The following UNC13C variants were observed in gnomAD, a reference collection of about 807,000 sequenced individuals.
UNC13C encodes the protein protein unc-13 homolog C.
Under a neutral mutation model 245.4 loss-of-function variants are expected in UNC13C, and 174 were observed. That is an observed-to-expected ratio of 0.71 (90% CI 0.63 to 0.80). The LOEUF is 0.80. Ranked by LOEUF, UNC13C falls within the 30% of genes least tolerant of loss-of-function variation. The pLI, the probability that UNC13C is intolerant of heterozygous loss-of-function variation, is 0.00. For synonymous variants in UNC13C, 992 were observed against 895.1 expected, an observed-to-expected ratio of 1.11 and a Z score of -1.93; for missense variants, 2,829 against 2,602.9, an observed-to-expected ratio of 1.09 and a Z score of -1.89.
intron 2 of UNC13C, among the ~76,000 whole-genome samples, chr15:54,110,228 C>G (rs570486394): frequency 6.6e-6 from 1 of 151,696 alleles, no homozygotes; most frequent in East Asian, 1.9e-4. Context: ...TGCAGTGAGC[C>G]AAGATTGTGC....
chr15:53,851,989 T>C, the UNC13C span, among the ~76,000 whole-genome samples: 2 of 152,220 alleles, frequency 1.3e-5, no homozygotes, highest in Non-Finnish European at 2.9e-5. Flanking sequence ...CTGAGTTCTG[T>C]GAGCCACTGT....
intron 18 of UNC13C, among the ~76,000 whole-genome samples, chr15:54,409,370 C>T (rs1459481169): frequency 2.0e-5 from 3 of 150,950 alleles, no homozygotes; most frequent in African/African-American, 7.3e-5. Context: ...TTTTGTTTTG[C>T]TTTTTCTTTC....
At chr15:54,493,921 A>T (rs1337143282) in intron 19 of UNC13C, among the ~76,000 whole-genome samples, 1 of 152,118 alleles carries the variant, frequency 6.6e-6, no homozygotes, top group Non-Finnish European at 1.5e-5. Context: ...CATATTAGGA[A>T]ATCCTGCTAA....
chr15:53,852,171 A>G, the UNC13C span, among the ~76,000 whole-genome samples: 1 of 152,136 alleles, frequency 6.6e-6, no homozygotes, highest in South Asian at 2.1e-4. Context: ...ATATTGTCAG[A>G]TTTTAATTGA....
chr15:54,295,279 C>T (rs1489406388), intron 11 of UNC13C, among the ~76,000 whole-genome samples: 3 of 152,094 alleles, frequency 2.0e-5, no homozygotes, highest in South Asian at 2.1e-4. Flanking sequence ...TTCTGTAATA[C>T]GTTAACATAT....
At chr15:53,976,691 T>C (rs1285672848), upstream of UNC13C, 4 of 152,000 alleles carry the variant, frequency 2.6e-5, no homozygotes, top group African/African-American at 9.7e-5. Flanking sequence ...CATCTTTCAT[T>C]TATTTCCTTC....
chr15:54,001,350 A>T (rs891528364), intron 1 of UNC13C, among the ~76,000 whole-genome samples: 1 of 151,962 alleles, frequency 6.6e-6, no homozygotes, highest in African/African-American at 2.4e-5. Flanking sequence ...ACACAGATGG[A>T]GGAGTGCATT....
intron 4 of UNC13C, among the ~76,000 whole-genome samples, chr15:54,207,089 G>GTACAATAAA (rs1374650286): frequency 6.6e-6 from 1 of 151,760 alleles, no homozygotes; most frequent in Admixed American, 6.6e-5. Flanking sequence ...CCAAGGTAAG[G>GTACAATAAA]TAGCAGTGGC....
rs564348026 is a variant in UNC13C at position 54,620,833 on chromosome 15, C to A, written c.6107-1494C>A. On this transcript the variant is annotated intron_variant, in intron 30 of 32. Coordinates refer to ENST00000260323, the MANE Select transcript of UNC13C (RefSeq NM_001080534.3). ...TCCCAAAAGCAGGCTATAATCATGC[C>A]TTCAGTAGTACAAAGAGTAAAAGAT... Among the ~76,000 whole-genome samples the A allele has an allele frequency of 2.7e-4, 41 of 151,628 alleles. No individual in the cohort carries two copies. In the South Asian group the frequency reaches 4.8e-3, roughly 18 times the overall value.
chr15:53,937,112 A>T, the UNC13C span, among the ~76,000 whole-genome samples: 3 of 152,198 alleles, frequency 2.0e-5, no homozygotes, highest in Non-Finnish European at 2.9e-5. Flanking sequence ...GTTCTAACCC[A>T]ATGCAAAGAA....
At chr15:54,295,663 A>G (rs1049639280) in intron 11 of UNC13C, among the ~76,000 whole-genome samples, 5 of 134,386 alleles carry the variant, frequency 3.7e-5, no homozygotes, top group African/African-American at 1.7e-4. Context: ...AAAAAAATAA[A>G]TACATAAGAA....
chr15:54,098,333 C>A (rs915502124), intron 2 of UNC13C, among the ~76,000 whole-genome samples: 2 of 152,108 alleles, frequency 1.3e-5, no homozygotes, highest in African/African-American at 4.8e-5. Context: ...TGCCACCACG[C>A]CTGGCTAATT....
Position 54,387,206 on chromosome 15 carries a change from G to A in UNC13C, c.4714-5842G>A, listed in dbSNP as rs138332975. Among the ~76,000 whole-genome samples, 348 of 152,294 alleles carry A rather than the reference G, an allele frequency of 2.3e-3. 1 individual carries two copies. The highest frequency in any genetic ancestry group is 8.0e-3 in the African/African-American group (331 of 41,556). ...CAGAGTACAGGAAAATGCCTGCTCC[G>A]TGACAAAGCAGGGCTACCCCATAGG... is the stretch of plus-strand genomic sequence containing the variant. On this transcript the variant is annotated intron_variant, in intron 17 of 32. Transcript: ENST00000260323.
chr15:54,109,758 G>T lies in UNC13C; in HGVS notation c.2984-33260G>T, dbSNP rs1467626087. ...CCGGTAATCCTTAATATGAGGTAGG[G>T]TCATTATGAAACTGGATTGTGAGTT... On this transcript the variant is annotated intron_variant, in intron 2 of 32. Coordinates refer to ENST00000260323, the MANE Select transcript of UNC13C (RefSeq NM_001080534.3). Among the ~76,000 whole-genome samples the T allele has an allele frequency of 3.3e-5, 5 of 152,160 alleles. No homozygotes were observed. The South Asian group carries it at 1.0e-3, about 32-fold the overall frequency.
chr15:54,222,558 G>A (rs1053175947), intron 4 of UNC13C, among the ~76,000 whole-genome samples: 1 of 152,132 alleles, frequency 6.6e-6, no homozygotes, highest in Non-Finnish European at 1.5e-5. Context: ...AAACATGAGA[G>A]AGCAGGTATC....
intron 24 of UNC13C, among the ~76,000 whole-genome samples, chr15:54,521,062 T>C (rs1043336882): frequency 9.2e-5 from 14 of 152,098 alleles, no homozygotes; most frequent in Non-Finnish European, 1.5e-5. Context: ...AAAGAGATAA[T>C]TGATGGAACA....
chr15:54,223,221 TTCTGG>T (rs953380371), intron 4 of UNC13C, among the ~76,000 whole-genome samples: 1 of 152,170 alleles, frequency 6.6e-6, no homozygotes, highest in Non-Finnish European at 1.5e-5. Flanking sequence ...GTTTTATAGC[TTCTGG>T]TCTTAGATTT....
the UNC13C span, among the ~76,000 whole-genome samples, chr15:53,870,685 C>A: frequency 0.16 from 24,587 of 152,144 alleles, 2,383 homozygotes; most frequent in African/African-American, 0.26. Context: ...GAGTTCAGCA[C>A]TTCATGTACT....
At chr15:54,320,817 C>A (rs1467518886) in intron 13 of UNC13C, 1 of 324,114 alleles carries the variant, frequency 3.1e-6, no homozygotes, top group African/African-American at 2.2e-5. Context: ...GCCTCCATGA[C>A]CACAGGAACT....
Sources: gnomAD v4.1 joint callset for allele counts (sites outside exome capture counted in the v4.1 genomes callset) on GRCh38, gnomAD v4.1.1 for gene constraint, MANE v1.5 for transcripts, NCBI Gene and HGNC (gene_info 2026-07-23, HGNC 2026-07-21) for gene names.